The following KCNN2 variants were observed in gnomAD, a reference collection of about 807,000 sequenced individuals.
KCNN2 encodes small conductance calcium-activated potassium channel protein 2.
In KCNN2, 24 loss-of-function variants were observed where a neutral mutation model predicts 55.5. That is an observed-to-expected ratio of 0.43 (90% confidence interval 0.31 to 0.61). The LOEUF (loss-of-function observed/expected upper bound fraction) is 0.61, where lower values mean the gene tolerates loss of function less well. Ranked by LOEUF, KCNN2 falls within the 20% of genes least tolerant of loss-of-function variation. The pLI is 0.08. For synonymous variants in KCNN2, 431 were observed against 336.1 expected, an observed-to-expected ratio of 1.28 and a Z score of -3.09; for missense variants, 754 against 853.6, an observed-to-expected ratio of 0.88 and a Z score of 1.45.
intron 3 of KCNN2, among the ~76,000 whole-genome samples, chr5:114,413,809 A>G (rs1377803351): frequency 2.6e-5 from 4 of 152,170 alleles, no homozygotes; most frequent in Non-Finnish European, 5.9e-5. Context: ...CCTGTCATCC[A>G]TGCTGATGTA....
chr5:114,073,358 A>G (rs571017839), intron 1 of KCNN2, among the ~76,000 whole-genome samples: 3 of 152,182 alleles, frequency 2.0e-5, no homozygotes, highest in African/African-American at 7.2e-5. Flanking sequence ...TGGCTGGCCT[A>G]TTGATGTATT....
intron 1 of KCNN2, among the ~76,000 whole-genome samples, chr5:114,105,087 C>T (rs79092243): frequency 0.017 from 2,534 of 152,066 alleles, 54 homozygotes; most frequent in African/African-American, 0.057. Context: ...AGGAAATGTT[C>T]TGTCAAAAAC....
At chr5:114,351,875 C>T (rs1289080050) in intron 2 of KCNN2, among the ~76,000 whole-genome samples, 1 of 151,630 alleles carries the variant, frequency 6.6e-6, no homozygotes, top group Non-Finnish European at 1.5e-5. Flanking sequence ...AAGATTTTTG[C>T]ATCTATATAC....
intron 1 of KCNN2, among the ~76,000 whole-genome samples, chr5:114,120,654 A>G (rs1009892114): frequency 2.0e-5 from 3 of 152,204 alleles, no homozygotes; most frequent in African/African-American, 7.2e-5. Context: ...GAACCTGAGT[A>G]TTGGCAAAGT....
At chr5:114,389,816 T>C (rs1312498422) in intron 2 of KCNN2, among the ~76,000 whole-genome samples, 2 of 152,182 alleles carry the variant, frequency 1.3e-5, no homozygotes, top group South Asian at 2.1e-4. Context: ...AGACCAGGGA[T>C]GAAGATGTGA....
chr5:114,371,111 AT>A (rs1227758641), intron 2 of KCNN2, among the ~76,000 whole-genome samples: 4 of 152,152 alleles, frequency 2.6e-5, no homozygotes, highest in Non-Finnish European at 5.9e-5. Context: ...TACAAAGATG[AT>A]TGATGGGGTT....
At chr5:114,211,841 T>C (rs912534990) in intron 1 of KCNN2, among the ~76,000 whole-genome samples, 4 of 152,012 alleles carry the variant, frequency 2.6e-5, no homozygotes, top group South Asian at 4.1e-4. Flanking sequence ...AGACTTTTAT[T>C]TGGGCTCACT....
chr5:114,244,454 G>A (rs573058039), intron 2 of KCNN2, among the ~76,000 whole-genome samples: 53 of 152,140 alleles, frequency 3.5e-4, no homozygotes, highest in African/African-American at 1.1e-3. Context: ...AAAAATAGCC[G>A]GGCGTGGTGG....
At chr5:114,301,041 CT>C (rs1300039028) in intron 2 of KCNN2, among the ~76,000 whole-genome samples, 1 of 86,924 alleles carries the variant, frequency 1.2e-5, no homozygotes, top group African/African-American at 4.3e-5. Context: ...GTAAAGTTTC[CT>C]TTATTAAATA....
At chr5:114,480,259 G>A (rs186432474) in intron 5 of KCNN2, among the ~76,000 whole-genome samples, 7 of 152,194 alleles carry the variant, frequency 4.6e-5, no homozygotes, top group Non-Finnish European at 7.4e-5. Context: ...AGAAAATCTA[G>A]AAGAAATGGA....
At position 114,206,543 on chromosome 5, in the gene KCNN2, C is replaced by T. The variant is rs1024165602; in HGVS notation, c.-270-14937C>T. On this transcript the variant is annotated intron_variant, in intron 1 of 10. Transcript: ENST00000512097. ...CATGAAATCCAGGTCATTTTTTTTCCCCTGTGAATTTCTCTCAAATACCTC... is the reference window on the plus strand; with the variant it reads ...CATGAAATCCAGGTCATTTTTTTTCTCCTGTGAATTTCTCTCAAATACCTC... Among the ~76,000 whole-genome samples the T allele has an allele frequency of 5.3e-5, 8 of 151,832 alleles. No individual in the cohort carries two copies. The East Asian group carries it at 7.7e-4, about 15-fold the overall frequency.
intron 2 of KCNN2, among the ~76,000 whole-genome samples, chr5:114,303,406 G>A (rs1411837808): frequency 6.6e-6 from 1 of 152,152 alleles, no homozygotes; most frequent in African/African-American, 2.4e-5. Flanking sequence ...TTAACTCTCT[G>A]TAGTTTCTGC....
At chr5:114,495,784 C>G in intron 7 of KCNN2, 111 bp from the exon 8 acceptor site, 3 of 954,026 alleles carry the variant, frequency 3.1e-6, no homozygotes, top group Non-Finnish European at 4.8e-6. Flanking sequence ...TAGCTGACAC[C>G]CCTGTTACAC....
At chr5:114,466,046 G>A (rs2219535) in intron 4 of KCNN2, among the ~76,000 whole-genome samples, 1 of 152,054 alleles carries the variant, frequency 6.6e-6, no homozygotes, top group Non-Finnish European at 1.5e-5. Context: ...GGAGAATGTA[G>A]AAATTTCTTC....
intron 1 of KCNN2, among the ~76,000 whole-genome samples, chr5:114,148,533 G>T (rs966984061): frequency 2.0e-5 from 3 of 152,146 alleles, no homozygotes; most frequent in Non-Finnish European, 4.4e-5. Context: ...TGAGGGCACT[G>T]GGACGTGGAC....
At chr5:114,141,342 A>C (rs1580549626) in intron 1 of KCNN2, among the ~76,000 whole-genome samples, 1 of 151,138 alleles carries the variant, frequency 6.6e-6, no homozygotes, top group East Asian at 1.9e-4. Context: ...ATGTGTTCTC[A>C]TTGTTCAATT....
At chr5:114,251,040 C>G (rs761778617) in intron 2 of KCNN2, among the ~76,000 whole-genome samples, 1 of 152,172 alleles carries the variant, frequency 6.6e-6, no homozygotes, top group Non-Finnish European at 1.5e-5. Context: ...TTTCTAATTT[C>G]TCCAAATAAT....
In KCNN2 at chr5:114,496,113, G is replaced by A. The variant is rs775882103; in HGVS notation, c.2307G>A (p.Arg769=). ...AGCACGTCACTTACAATGCTGAGCG[G>A]TCCCGGTCCTCGTCCAGGAGGCGGC... ...YDKHVTYNAE[R]SRSSSRRRRS... is the part of the protein sequence containing the mutation. Residue 769 remains arginine (R), a synonymous_variant, in exon 8 of 8, where the codon CGG becomes CGA. Transcript: ENST00000673685. The A allele has an allele frequency of 1.2e-6, 2 of 1,614,014 alleles. No individual in the cohort carries two copies. The highest frequency in any genetic ancestry group is 4.5e-5 in the East Asian group (2 of 44,848).
intron 2 of KCNN2, among the ~76,000 whole-genome samples, chr5:114,239,177 TG>T (rs1275776464): frequency 6.6e-6 from 1 of 152,122 alleles, no homozygotes; most frequent in East Asian, 1.9e-4. Flanking sequence ...ATGCCTGGTG[TG>T]GGTGTGTAGC....
Sources: allele counts gnomAD v4.1 joint callset (sites outside exome capture counted in the v4.1 genomes callset), GRCh38; gene constraint gnomAD v4.1.1; transcripts MANE v1.5; gene names NCBI Gene and HGNC (gene_info 2026-07-23, HGNC 2026-07-21).